The following ZNF804B variants were observed in gnomAD, a reference collection of about 807,000 sequenced individuals.
ZNF804B encodes the protein zinc finger protein 804B, also known as zinc finger 804B.
In ZNF804B, 80 loss-of-function variants were observed where a neutral mutation model predicts 101.4. That is an observed-to-expected ratio of 0.79 (90% CI 0.66 to 0.95). The LOEUF is 0.95. Ranked by LOEUF, ZNF804B falls within the 40% of genes least tolerant of loss-of-function variation. The pLI is 0.00. For synonymous variants in ZNF804B, 622 were observed against 558.8 expected, an observed-to-expected ratio of 1.11 and a Z score of -1.59; for missense variants, 1,673 against 1,561.9, an observed-to-expected ratio of 1.07 and a Z score of -1.20.
chr7:88,883,168 G>C (rs1239752516), intron 1 of ZNF804B, among the ~76,000 whole-genome samples: 1 of 152,064 alleles, frequency 6.6e-6, no homozygotes, highest in Non-Finnish European at 1.5e-5. Flanking sequence ...CAAATTTCAA[G>C]ATGTCTAGGA....
intron 1 of ZNF804B, among the ~76,000 whole-genome samples, chr7:88,843,429 A>G (rs1253455037): frequency 6.6e-6 from 1 of 152,146 alleles, no homozygotes; most frequent in African/African-American, 2.4e-5. Flanking sequence ...CTTAAAGAGT[A>G]GAATAAATAA....
chr7:89,190,171 C>T (rs1788432964), intron 1 of ZNF804B, among the ~76,000 whole-genome samples: 1 of 151,668 alleles, frequency 6.6e-6, no homozygotes, highest in African/African-American at 2.4e-5. Flanking sequence ...CCTATCTTTA[C>T]TAAAAATACA....
chr7:89,081,310 T>G (rs1047616097), intron 1 of ZNF804B, among the ~76,000 whole-genome samples: 1 of 151,926 alleles, frequency 6.6e-6, no homozygotes, highest in Non-Finnish European at 1.5e-5. Flanking sequence ...CAGGGTCAGG[T>G]GTTCTTCAGA....
chr7:88,879,969 G>A (rs917440143), intron 1 of ZNF804B, among the ~76,000 whole-genome samples: 2 of 152,006 alleles, frequency 1.3e-5, no homozygotes, highest in African/African-American at 4.8e-5. Flanking sequence ...AGCCCAGGAG[G>A]TGGAGATTGC....
At chr7:88,819,106 T>G (rs934468002) in intron 1 of ZNF804B, among the ~76,000 whole-genome samples, 1 of 152,070 alleles carries the variant, frequency 6.6e-6, no homozygotes, top group Non-Finnish European at 1.5e-5. Context: ...TGAAAGTATA[T>G]CCACATTTTC....
At chr7:88,902,115 T>C (rs148145920) in intron 1 of ZNF804B, among the ~76,000 whole-genome samples, 78 of 152,104 alleles carry the variant, frequency 5.1e-4, no homozygotes, top group Non-Finnish European at 9.1e-4. Flanking sequence ...CGATACACTT[T>C]CTCTTTAGTT....
chr7:88,874,345 G>C (rs1035304916), intron 1 of ZNF804B, among the ~76,000 whole-genome samples: 2 of 151,590 alleles, frequency 1.3e-5, no homozygotes, highest in African/African-American at 4.9e-5. Context: ...TGCTGAAGTT[G>C]CTTATCAGCT....
intron 1 of ZNF804B, among the ~76,000 whole-genome samples, chr7:88,944,940 G>GT: frequency 6.6e-6 from 1 of 151,730 alleles, no homozygotes; most frequent in South Asian, 2.1e-4. Context: ...AGATGGGGTT[G>GT]TTTTTTTCTT....
intron 1 of ZNF804B, among the ~76,000 whole-genome samples, chr7:89,096,641 A>G (rs1439390159): frequency 2.0e-5 from 3 of 152,216 alleles, no homozygotes; most frequent in Non-Finnish European, 4.4e-5. Flanking sequence ...AGTGATATGC[A>G]TGATATTTCA....
chr7:89,278,708 A>C (rs1029193406), intron 2 of ZNF804B, among the ~76,000 whole-genome samples: 1 of 149,438 alleles, frequency 6.7e-6, no homozygotes, highest in African/African-American at 2.5e-5. Context: ...CCATTGATCT[A>C]TATCTCTGTT....
intron 1 of ZNF804B, among the ~76,000 whole-genome samples, chr7:88,996,198 A>C (rs1788192801): frequency 6.6e-6 from 1 of 152,074 alleles, no homozygotes; most frequent in Non-Finnish European, 1.5e-5. Context: ...GATAAAGGAA[A>C]ATTTCTCTAA....
intron 1 of ZNF804B, among the ~76,000 whole-genome samples, chr7:88,929,775 T>C (rs1397098367): frequency 6.6e-6 from 1 of 152,046 alleles, no homozygotes; most frequent in Non-Finnish European, 1.5e-5. Context: ...GTAATGGTGA[T>C]TTAAAAATAC....
At chr7:89,097,330 A>G (rs1789984781) in intron 1 of ZNF804B, among the ~76,000 whole-genome samples, 1 of 152,228 alleles carries the variant, frequency 6.6e-6, no homozygotes, top group South Asian at 2.1e-4. Flanking sequence ...TGTTTGTAAT[A>G]TACATAAATG....
chr7:89,099,374 G>A (rs1790018829), intron 1 of ZNF804B, among the ~76,000 whole-genome samples: 1 of 152,114 alleles, frequency 6.6e-6, no homozygotes, highest in Non-Finnish European at 1.5e-5. Flanking sequence ...TCCCAAAAAT[G>A]TTACAATAGA....
At chr7:89,139,023 A>G (rs1284321771) in intron 1 of ZNF804B, among the ~76,000 whole-genome samples, 1 of 152,022 alleles carries the variant, frequency 6.6e-6, no homozygotes, top group African/African-American at 2.4e-5. Flanking sequence ...ACGTGCACGC[A>G]TGTGTGTGTA....
chr7:89,246,272 G>A (rs952402626), intron 2 of ZNF804B, among the ~76,000 whole-genome samples: 3 of 152,180 alleles, frequency 2.0e-5, no homozygotes, highest in African/African-American at 7.2e-5. Context: ...AATAAGACTT[G>A]CAGCCAGGAG....
At position 88,885,403 on chromosome 7, in the gene ZNF804B, C is replaced by T. The variant is rs114501782; in HGVS notation, c.108+125319C>T. Among the ~76,000 whole-genome samples, 372 of 150,924 alleles carry T rather than the reference C, an allele frequency of 2.5e-3. 3 individuals are homozygous for T. Among genetic ancestry groups the T allele is most frequent in the African/African-American group, 8.4e-3 (345 of 41,254 alleles). On this transcript the variant is annotated intron_variant, in intron 1 of 3. Coordinates refer to ENST00000333190, the MANE Select transcript of ZNF804B (RefSeq NM_181646.5). ...CTCTGTGACTGCTGCTTTTCAGTGACGTATTGATCTGATTTTGGCTAAACA... is the reference window on the plus strand; with the variant it reads ...CTCTGTGACTGCTGCTTTTCAGTGATGTATTGATCTGATTTTGGCTAAACA...
chr7:89,224,225 CAT>C (rs1290463679), intron 2 of ZNF804B, among the ~76,000 whole-genome samples: 2 of 152,036 alleles, frequency 1.3e-5, no homozygotes, highest in Non-Finnish European at 2.9e-5. Context: ...AAACCCTCCA[CAT>C]GTGACGCTTC....
chr7:88,835,889 A>C (rs1022075898), intron 1 of ZNF804B, among the ~76,000 whole-genome samples: 1 of 151,970 alleles, frequency 6.6e-6, no homozygotes, highest in African/African-American at 2.4e-5. Flanking sequence ...GATTGTGTGC[A>C]TGTATATGTG....
Sources: gnomAD v4.1 joint callset for allele counts (sites outside exome capture counted in the v4.1 genomes callset) on GRCh38, gnomAD v4.1.1 for gene constraint, MANE v1.5 for transcripts, NCBI Gene and HGNC (gene_info 2026-07-23, HGNC 2026-07-21) for gene names.